The following MRE11 variants were observed in gnomAD, a reference collection of about 807,000 sequenced individuals.
MRE11 encodes the protein double-strand break repair protein MRE11.
MRE11 carries 62 observed loss-of-function variants against 91.7 expected under a neutral mutation model. The ratio of observed to expected loss-of-function variants is 0.68; its 90% CI spans 0.55 to 0.84. MRE11 has a LOEUF of 0.84. Among genes scored for constraint, MRE11 ranks in the 40% least tolerant of loss-of-function variants. The pLI is 0.00. For synonymous variants in MRE11, 273 were observed against 271.4 expected (o/e 1.01, Z -0.06); for missense variants, 796 against 852.9 (o/e 0.93, Z 0.83).
intron 18 of MRE11, among the ~76,000 whole-genome samples, chr11:94,434,198 T>C (rs1205979625): frequency 2.6e-5 from 4 of 152,232 alleles, no homozygotes; most frequent in Non-Finnish European, 5.9e-5. Flanking sequence ...TTTATCTTTC[T>C]ATCCCCAGAA....
rs1337788362 is a variant in MRE11 at position 94,435,875 on chromosome 11, C to T, written c.1951G>A (p.Val651Met). The change falls in exon 18 of 20, where the codon GTG becomes ATG. Residue 651 changes from valine to methionine, a missense_variant. Val to Met is a conservative substitution (Grantham distance 21, BLOSUM62 1). Transcript: ENST00000323929. Reference protein sequence around the residue: ...SEVIEVDESDVEEDIFPTTSK... With the variant: ...SEVIEVDESDMEEDIFPTTSK... The stretch of plus-strand genomic sequence containing the variant: ...GTGGTAGGAAAAATGTCTTCTTCCA[C>T]ATCTGATTCATCTACCTCAATCACC... 1 of 1,613,752 alleles carries T rather than the reference C, an allele frequency of 6.2e-7. No homozygotes were observed. The highest frequency in any genetic ancestry group is 1.7e-5 in the Admixed American group (1 of 60,002).
At chr11:94,499,857 C>T in the MRE11 span, among the ~76,000 whole-genome samples, 1 of 152,158 alleles carries the variant, frequency 6.6e-6, no homozygotes, top group African/African-American at 2.4e-5. Context: ...CTACGTAACC[C>T]AGTCACCCTA....
chr11:94,429,716 T>C (rs550555974), intron 19 of MRE11, among the ~76,000 whole-genome samples, 195 bp downstream of exon 19: 1 of 152,282 alleles, frequency 6.6e-6, no homozygotes, highest in African/African-American at 2.4e-5. Flanking sequence ...TACTGCTCAC[T>C]ACCTGGGTGA....
the MRE11 span, among the ~76,000 whole-genome samples, chr11:94,500,603 TTTAA>T: frequency 6.6e-6 from 1 of 152,174 alleles, no homozygotes; most frequent in Non-Finnish European, 1.5e-5. Context: ...TAACTAAGGG[TTTAA>T]TTTTGATTAA....
At chr11:94,444,468 A>T (rs1945872750) in intron 16 of MRE11, among the ~76,000 whole-genome samples, 1 of 152,128 alleles carries the variant, frequency 6.6e-6, no homozygotes, top group Non-Finnish European at 1.5e-5. Flanking sequence ...GTCGCTAGTG[A>T]TATGAGGAAA....
chr11:94,507,178 CTT>C, the MRE11 span, among the ~76,000 whole-genome samples: 1 of 152,144 alleles, frequency 6.6e-6, no homozygotes, highest in Non-Finnish European at 1.5e-5. Flanking sequence ...TATAATCTAA[CTT>C]TTATTTCCAT....
In MRE11 at chr11:94,479,764, TA is replaced by T. The variant is rs35062043; in HGVS notation, c.315-4del. On this transcript the variant is annotated splice_polypyrimidine_tract_variant and splice_region_variant and intron_variant, in intron 4 of 19. Transcript: ENST00000323929. ...CTTGATAGTTCACCCATGGAAACCT[TA>T]AAAAAAAAAAGTTACTTAAAATTTC... The T allele has an allele frequency of 5.4e-3, 6,678 of 1,240,338 alleles. No individual in the cohort carries two copies. The highest frequency in any genetic ancestry group is 6.1e-3 in the Non-Finnish European group (5,450 of 900,474). The allele number at this position is 1,240,338 out of a possible 1,614,324, so 76.8% of individuals were successfully genotyped here. A position where few individuals can be genotyped will look rare whatever the true frequency, so the allele number is the denominator to read the frequency against.
At chr11:94,463,357 G>T (rs1452802212) in intron 11 of MRE11, among the ~76,000 whole-genome samples, 2 of 152,214 alleles carry the variant, frequency 1.3e-5, no homozygotes, top group Admixed American at 6.5e-5. Context: ...TTCAACCATT[G>T]TGGAAGACAG....
chr11:94,466,136 G>T (rs1946555491), intron 10 of MRE11, among the ~76,000 whole-genome samples: 1 of 152,178 alleles, frequency 6.6e-6, no homozygotes, highest in South Asian at 2.1e-4. Context: ...AAAGGTTCCA[G>T]TGAAATAAAC....
chr11:94,499,676 C>T, the MRE11 span: 1 of 152,184 alleles, frequency 6.6e-6, no homozygotes. Context: ...TCTACTCACT[C>T]AGTCTCTCCA....
upstream of MRE11, chr11:94,498,409 C>G (rs371935415): frequency 4.3e-6 from 7 of 1,613,396 alleles, no homozygotes; most frequent in Non-Finnish European, 5.9e-6. Context: ...TGAACCGTTA[C>G]GTCAAACCAG....
chr11:94,481,257 C>T (rs1485639873), intron 4 of MRE11, among the ~76,000 whole-genome samples: 4 of 151,942 alleles, frequency 2.6e-5, no homozygotes, highest in East Asian at 3.9e-4. Flanking sequence ...TGCAGTAAGC[C>T]GAGATCGCGC....
intron 8 of MRE11, 150 bp downstream of exon 8, chr11:94,471,424 C>A: frequency 4.1e-6 from 3 of 737,350 alleles, no homozygotes; most frequent in Non-Finnish European, 6.6e-6. Context: ...TAAGACTACA[C>A]AGAATGATCA....
At chr11:94,498,868 T>C (rs1947454907), upstream of MRE11, 5 of 266,404 alleles carry the variant, frequency 1.9e-5, no homozygotes, top group Non-Finnish European at 2.9e-5. Context: ...ATCCTGGATC[T>C]TTGTTGGGTA....
chr11:94,471,840 T>A, intron 7 of MRE11, 81 bp from the exon 8 acceptor site: 1 of 1,127,372 alleles, frequency 8.9e-7, no homozygotes. Flanking sequence ...TCTTTCTTTC[T>A]CCATTCACTA....
In MRE11 at chr11:94,482,693, G is replaced by A. The variant is rs138092601; in HGVS notation, c.315-2932C>T. Among the ~76,000 whole-genome samples, 436 of 151,968 alleles carry A rather than the reference G, an allele frequency of 2.9e-3. 2 individuals carry two copies. Among genetic ancestry groups the A allele is most frequent in the African/African-American group, 0.01 (422 of 41,466 alleles). On this transcript the variant is annotated intron_variant, in intron 4 of 19. Transcript: ENST00000323929. ...TCACGCCTATAATCTCAACACTTTC[G>A]GAGGCCAAGTCGGGAGGATCACTTG...
At chr11:94,452,040 T>C (rs943058004) in intron 14 of MRE11, among the ~76,000 whole-genome samples, 8 of 152,030 alleles carry the variant, frequency 5.3e-5, no homozygotes, top group Admixed American at 3.3e-4. Context: ...ACCCTGTCTC[T>C]ACTAAAAATA....
intron 13 of MRE11, 101 bp downstream of exon 13, chr11:94,459,307 A>T: frequency 8.2e-7 from 1 of 1,224,804 alleles, no homozygotes; most frequent in Admixed American, 1.8e-5. Flanking sequence ...AAACTAAACA[A>T]ATCAGAGAGG....
At chr11:94,465,721 C>T (rs1946544864) in intron 10 of MRE11, among the ~76,000 whole-genome samples, 1 of 152,142 alleles carries the variant, frequency 6.6e-6, no homozygotes, top group South Asian at 2.1e-4. Flanking sequence ...CTACAGCTAC[C>T]ATGTTATAAA....
Sources: gnomAD v4.1 joint callset for allele counts (sites outside exome capture counted in the v4.1 genomes callset) on GRCh38, gnomAD v4.1.1 for gene constraint, MANE v1.5 for transcripts, NCBI Gene and HGNC (gene_info 2026-07-23, HGNC 2026-07-21) for gene names.